PSMA1: variants seen among roughly 807,000 people sequenced by gnomAD.
PSMA1 encodes the protein proteasome subunit alpha type-1.
In PSMA1, 3 loss-of-function variants were observed where a neutral mutation model predicts 38.4. That is an observed-to-expected ratio of 0.08 (90% CI 0.04 to 0.20). The LOEUF is 0.20. PSMA1 is among the 10% of genes least tolerant of loss of function. The probability of loss-of-function intolerance (pLI) is 1.00; values close to 1 mark genes in which losing one functional copy is unlikely to be tolerated. For missense variants in PSMA1, 227 were observed against 325.3 expected, an observed-to-expected ratio of 0.70 and a Z score of 2.32; for synonymous variants, 101 against 107.1, an observed-to-expected ratio of 0.94 and a Z score of 0.35.
intron 1 of PSMA1, among the ~76,000 whole-genome samples, chr11:14,618,738 G>A (rs917225192): frequency 1.3e-5 from 2 of 152,154 alleles, no homozygotes; most frequent in African/African-American, 2.4e-5. Flanking sequence ...AATGAGTTAA[G>A]TTCATACTGT....
At chr11:14,615,601 A>G (rs1248297474) in intron 1 of PSMA1, among the ~76,000 whole-genome samples, 2 of 152,162 alleles carry the variant, frequency 1.3e-5, no homozygotes, top group South Asian at 2.1e-4. Flanking sequence ...TAGGTGTAGG[A>G]GCAATTTTCA....
chr11:14,588,760 G>A (rs1852379137), intron 2 of PSMA1, among the ~76,000 whole-genome samples: 2 of 152,018 alleles, frequency 1.3e-5, no homozygotes, highest in African/African-American at 4.8e-5. Context: ...CCTATAATAA[G>A]GCTTTATGTG....
intron 2 of PSMA1, among the ~76,000 whole-genome samples, chr11:14,573,143 ATCC>A (rs1211832722): frequency 6.6e-6 from 1 of 152,076 alleles, no homozygotes; most frequent in Non-Finnish European, 1.5e-5. Flanking sequence ...GAAAAAGAGA[ATCC>A]TCCCTAACTC....
intron 2 of PSMA1, among the ~76,000 whole-genome samples, chr11:14,597,103 T>C (rs1852506433): frequency 1.3e-5 from 2 of 152,332 alleles, no homozygotes; most frequent in East Asian, 1.9e-4. Flanking sequence ...GCCAACTTGA[T>C]CATGGTGGAT....
In PSMA1 at chr11:14,554,585, A is replaced by AT. The variant is rs34523495; in HGVS notation, c.22-35545dup. Among the ~76,000 whole-genome samples, 509 of 151,024 alleles carry AT rather than the reference A, an allele frequency of 3.4e-3. 1 individual carries two copies. The highest frequency in any genetic ancestry group is 5.8e-3 in the Non-Finnish European group (392 of 67,628). The stretch of plus-strand genomic sequence containing the variant: ...TGGAAGACTATCTTTTCTCCATTGA[A>AT]TTTTTTTTTGCAACATTGTTGAAAA... On this transcript the variant is annotated intron_variant, in intron 2 of 10. Coordinates refer to the PSMA1 transcript ENST00000418988.
chr11:14,629,722 G>C (rs1374810238), intron 1 of PSMA1, among the ~76,000 whole-genome samples: 2 of 152,190 alleles, frequency 1.3e-5, no homozygotes, highest in South Asian at 2.1e-4. Flanking sequence ...TTGGTAGCTT[G>C]ATGGGGATGG....
chr11:14,602,870 G>A (rs768427972), intron 2 of PSMA1, among the ~76,000 whole-genome samples: 8 of 152,218 alleles, frequency 5.3e-5, no homozygotes, highest in African/African-American at 1.7e-4. Context: ...CGTGAGTTCC[G>A]CTCAGAAAGA....
At chr11:14,508,358 TA>T (rs1851281453) in intron 8 of PSMA1, among the ~76,000 whole-genome samples, 1 of 152,026 alleles carries the variant, frequency 6.6e-6, no homozygotes. Context: ...CCTTTCCCAT[TA>T]AAACTTCCTA....
intron 4 of PSMA1, among the ~76,000 whole-genome samples, chr11:14,516,457 T>A (rs1016101180): frequency 6.6e-6 from 1 of 152,224 alleles, no homozygotes; most frequent in South Asian, 2.1e-4. Context: ...AGAGCTAGAA[T>A]TATAGGTAGG....
chr11:14,626,610 AC>A (rs1852915125), intron 1 of PSMA1, among the ~76,000 whole-genome samples: 1 of 152,176 alleles, frequency 6.6e-6, no homozygotes, highest in African/African-American at 2.4e-5. Flanking sequence ...AGAGACCTGA[AC>A]TCAGCTCTAC....
intron 1 of PSMA1, among the ~76,000 whole-genome samples, chr11:14,613,154 A>G (rs1852729474): frequency 6.6e-6 from 1 of 152,046 alleles, no homozygotes. Context: ...ACAGTAATAA[A>G]GTCAATAATT....
At chr11:14,512,868 C>T (rs1851367741) in intron 7 of PSMA1, among the ~76,000 whole-genome samples, 1 of 152,202 alleles carries the variant, frequency 6.6e-6, no homozygotes, top group African/African-American at 2.4e-5. Flanking sequence ...AACTTTAAGC[C>T]AGCATTTACC....
intron 1 of PSMA1, among the ~76,000 whole-genome samples, chr11:14,635,844 T>C (rs1193997027): frequency 6.6e-6 from 1 of 152,212 alleles, no homozygotes; most frequent in East Asian, 1.9e-4. Context: ...CTGTATTATA[T>C]AGAATCTGTA....
intron 2 of PSMA1, among the ~76,000 whole-genome samples, chr11:14,580,077 C>T (rs550443385): frequency 2.6e-4 from 40 of 152,284 alleles, no homozygotes; most frequent in Admixed American, 1.2e-3. Context: ...TACAAGAGAG[C>T]GACACTGTTG....
intron 1 of PSMA1, among the ~76,000 whole-genome samples, chr11:14,639,405 G>A (rs2133727823): frequency 6.6e-6 from 1 of 152,142 alleles, no homozygotes; most frequent in Admixed American, 6.5e-5. Flanking sequence ...AAAAATCAAA[G>A]GAAATACAGT....
chr11:14,586,770 C>A (rs901478729), intron 2 of PSMA1, among the ~76,000 whole-genome samples: 1 of 147,658 alleles, frequency 6.8e-6, no homozygotes, highest in South Asian at 2.2e-4. Flanking sequence ...TTCTTTCTTT[C>A]TTTTTTTTTT....
At chr11:14,574,661 G>A (rs1852191234) in intron 2 of PSMA1, among the ~76,000 whole-genome samples, 1 of 152,120 alleles carries the variant, frequency 6.6e-6, no homozygotes, top group African/African-American at 2.4e-5. Context: ...GGTTTTATAA[G>A]GGGCTTTTCC....
At position 14,555,385 on chromosome 11, in the gene PSMA1, T is replaced by G. The variant is rs183942922; in HGVS notation, c.22-36344A>C. On this transcript the variant is annotated intron_variant, in intron 2 of 10. Coordinates refer to the PSMA1 transcript ENST00000418988. ...TAATTTTCCCTTCTCTCTTATTTCCTCTTTAAAATTTTTTTTGCTTTAGTC... is the reference window on the plus strand; with the variant it reads ...TAATTTTCCCTTCTCTCTTATTTCCGCTTTAAAATTTTTTTTGCTTTAGTC... Among the ~76,000 whole-genome samples the G allele has an allele frequency of 2.5e-3, 386 of 152,312 alleles. 1 individual carries two copies. The highest frequency in any genetic ancestry group is 8.8e-3 in the African/African-American group (367 of 41,586).
Position 14,514,421 on chromosome 11 carries a change from C to CAAG in PSMA1, c.322_324dup (p.Leu108dup). On this transcript the variant is annotated inframe_insertion, in exon 5 of 10. Transcript: ENST00000396394. ...AGGATACTGCTTCCAATTAGAGATACAAGACGAGACACAGGCAGTGGTCTA... is the reference window on the plus strand; with the variant it reads ...AGGATACTGCTTCCAATTAGAGATACAAGAAGACGAGACACAGGCAGTGGTCTA... 6.2e-7 allele frequency: 1 copy of CAAG among 1,607,154 alleles called. No homozygotes were observed. Among genetic ancestry groups the CAAG allele is most frequent in the Non-Finnish European group, 8.5e-7 (1 of 1,175,558 alleles).
Sources: allele counts gnomAD v4.1 joint callset (sites outside exome capture counted in the v4.1 genomes callset), GRCh38; gene constraint gnomAD v4.1.1; transcripts MANE v1.5; gene names NCBI Gene and HGNC (gene_info 2026-07-23, HGNC 2026-07-21).